AUTS2: variants seen among roughly 807,000 people sequenced by gnomAD.
The protein encoded by AUTS2 is activator of transcription and developmental regulator AUTS2, also known as autism susceptibility gene 2 protein.
AUTS2 carries 17 observed loss-of-function variants against 112.4 expected under a neutral mutation model. The observed-to-expected ratio is 0.15, with a 90% CI of 0.10 to 0.23. The LOEUF is 0.23. Among genes scored for constraint, AUTS2 ranks in the 10% least tolerant of loss-of-function variants. AUTS2 has a pLI of 1.00. For synonymous variants in AUTS2, 751 were observed against 702.7 expected, an observed-to-expected ratio of 1.07 and a Z score of -1.09; for missense variants, 1,510 against 1,701.6, an observed-to-expected ratio of 0.89 and a Z score of 1.98.
intron 1 of AUTS2, among the ~76,000 whole-genome samples, chr7:69,664,378 GT>G (rs1795935798): frequency 6.6e-6 from 1 of 152,170 alleles, no homozygotes; most frequent in Non-Finnish European, 1.5e-5. Flanking sequence ...AAAAAAATGA[GT>G]TTTGCCTACA....
chr7:70,557,265 G>A (rs1801289976), intron 5 of AUTS2, among the ~76,000 whole-genome samples: 1 of 152,156 alleles, frequency 6.6e-6, no homozygotes, highest in African/African-American at 2.4e-5. Context: ...TGCTGGCTAG[G>A]ATTTGCAGGC....
intron 5 of AUTS2, among the ~76,000 whole-genome samples, chr7:70,520,976 G>T (rs1799619718): frequency 6.6e-6 from 1 of 152,050 alleles, no homozygotes; most frequent in Admixed American, 6.5e-5. Flanking sequence ...CCTTGCATTG[G>T]TTCATATTCT....
At chr7:70,047,018 G>A (rs536874429) in intron 2 of AUTS2, among the ~76,000 whole-genome samples, 2 of 152,296 alleles carry the variant, frequency 1.3e-5, no homozygotes, top group East Asian at 3.9e-4. Flanking sequence ...ATCTGGTTTA[G>A]ACTCTGTACA....
intron 2 of AUTS2, among the ~76,000 whole-genome samples, chr7:70,098,417 G>A (rs569203270): frequency 6.6e-6 from 1 of 152,258 alleles, no homozygotes; most frequent in Non-Finnish European, 1.5e-5. Context: ...TTGCGGGGCT[G>A]GGAGTCCTAG....
At chr7:69,632,259 G>A (rs946373340) in intron 1 of AUTS2, among the ~76,000 whole-genome samples, 1 of 152,026 alleles carries the variant, frequency 6.6e-6, no homozygotes, top group Non-Finnish European at 1.5e-5. Context: ...TCTTTATAAG[G>A]TTTTGCCTTG....
intron 1 of AUTS2, among the ~76,000 whole-genome samples, chr7:69,878,664 A>G (rs931303925): frequency 6.6e-6 from 1 of 152,202 alleles, no homozygotes; most frequent in Non-Finnish European, 1.5e-5. Flanking sequence ...CTTGGACAGG[A>G]TAGAGCTTTT....
rs1053863047 is a variant in AUTS2, at chr7:70,367,171, C to T, written c.661-68581C>T. ...TGTGGTCTACTCAGGGGCTGAGGCA[C>T]GAGAATCACTTGCACCAGGTGGCGC... On this transcript the variant is annotated intron_variant, in intron 4 of 18. Transcript: ENST00000342771. 3.9e-5 allele frequency among the ~76,000 whole-genome samples: 6 copies of T among 151,934 alleles called. No individual in the cohort carries two copies. The East Asian group carries it at 7.7e-4, about 20-fold the overall frequency.
intron 4 of AUTS2, among the ~76,000 whole-genome samples, chr7:70,218,530 C>T (rs1353747924): frequency 6.6e-6 from 1 of 152,154 alleles, no homozygotes; most frequent in Non-Finnish European, 1.5e-5. Flanking sequence ...GCACACATTT[C>T]CACTTCCTGT....
At chr7:69,822,158 A>C (rs1281729380) in intron 1 of AUTS2, among the ~76,000 whole-genome samples, 1 of 152,220 alleles carries the variant, frequency 6.6e-6, no homozygotes, top group Non-Finnish European at 1.5e-5. Context: ...TGTAAGCAAC[A>C]ATAGAGTCAT....
At chr7:70,342,167 G>A (rs184499627) in intron 4 of AUTS2, among the ~76,000 whole-genome samples, 1 of 152,026 alleles carries the variant, frequency 6.6e-6, no homozygotes, top group African/African-American at 2.4e-5. Flanking sequence ...TCATCTGTAG[G>A]CACCACATTC....
chr7:69,978,787 A>T (rs374002491), intron 2 of AUTS2, among the ~76,000 whole-genome samples: 14 of 151,682 alleles, frequency 9.2e-5, no homozygotes, highest in African/African-American at 3.4e-4. Context: ...TTGAGGCTGC[A>T]ATGAGCCATG....
chr7:69,870,613 A>G (rs1351957802), intron 1 of AUTS2, among the ~76,000 whole-genome samples: 2 of 151,558 alleles, frequency 1.3e-5, no homozygotes, highest in African/African-American at 2.4e-5. Context: ...TTGGCCAGAG[A>G]TGCTTACTTG....
In AUTS2 at chr7:69,599,833, G is replaced by C. The variant is rs761862785; in HGVS notation, c.180G>C (p.Gly60=). The change falls in exon 1 of 19, where the codon GGG becomes GGC. Residue 60 remains glycine (G), a synonymous_variant. Coordinates refer to ENST00000342771, the MANE Select transcript of AUTS2 (RefSeq NM_015570.4). The surrounding 1 kb of genome is among the most constrained non-coding windows in gnomAD (Gnocchi z 7.0). The part of the protein sequence containing the change: ...SSSGSDKEDN[G]KPPSSAPSRP... ...CGGGCTCCGACAAGGAAGACAATGG[G>C]AAGCCCCCGTCCTCCGCCCCGTCCC... The C allele has an allele frequency of 6.2e-7, 1 of 1,610,856 alleles. No homozygotes were observed. Among genetic ancestry groups the C allele is most frequent in the African/African-American group, 1.3e-5 (1 of 74,852 alleles).
chr7:70,643,258 T>C (rs909921057), intron 5 of AUTS2, among the ~76,000 whole-genome samples: 1 of 152,238 alleles, frequency 6.6e-6, no homozygotes, highest in African/African-American at 2.4e-5. Context: ...AGGTGTCTTG[T>C]GGACACGGAA....
In AUTS2 at chr7:70,369,951, A is replaced by G. The variant is rs142540529; in HGVS notation, c.661-65801A>G. Among the ~76,000 whole-genome samples, 539 of 152,296 alleles carry G rather than the reference A, an allele frequency of 3.5e-3. 3 individuals carry two copies. Among genetic ancestry groups the G allele is most frequent in the African/African-American group, 0.012 (491 of 41,564 alleles). On this transcript the variant is annotated intron_variant, in intron 4 of 18. Coordinates refer to ENST00000342771, the MANE Select transcript of AUTS2 (RefSeq NM_015570.4). ...GTACTAGAATGAGGAAGACTCGGAT[A>G]TGTTGGAACCAGGAGCCAGACCATG...
intron 5 of AUTS2, among the ~76,000 whole-genome samples, chr7:70,576,483 A>G (rs1802170797): frequency 6.6e-6 from 1 of 152,144 alleles, no homozygotes; most frequent in African/African-American, 2.4e-5. Flanking sequence ...AACCTAAACA[A>G]TTAGAAGGTT....
intron 1 of AUTS2, among the ~76,000 whole-genome samples, chr7:69,765,801 T>C (rs1788394804): frequency 6.6e-6 from 1 of 151,876 alleles, no homozygotes; most frequent in Admixed American, 6.6e-5. Flanking sequence ...AAAAAAATTA[T>C]CTGGGCATGG....
intron 1 of AUTS2, among the ~76,000 whole-genome samples, chr7:69,797,135 C>T (rs1043855821): frequency 6.6e-6 from 1 of 152,152 alleles, no homozygotes; most frequent in Admixed American, 6.6e-5. Flanking sequence ...ACCTGCACCT[C>T]CAGAATGTAA....
At chr7:69,698,479 G>A (rs984711983) in intron 1 of AUTS2, among the ~76,000 whole-genome samples, 4 of 152,284 alleles carry the variant, frequency 2.6e-5, no homozygotes, top group African/African-American at 9.6e-5. Context: ...CTGAGTGGCA[G>A]CCTGTCTACC....
Sources: allele counts gnomAD v4.1 joint callset (sites outside exome capture counted in the v4.1 genomes callset), GRCh38; gene constraint gnomAD v4.1.1; non-coding constraint Gnocchi (gnomAD v3.1); transcripts MANE v1.5; gene names NCBI Gene and HGNC (gene_info 2026-07-23, HGNC 2026-07-21).